Variants in ST8SIA1 observed in about 807,000 individuals in gnomAD.
The protein encoded by ST8SIA1 is ST8 alpha-N-acetyl-neuraminide alpha-2,8-sialyltransferase 1.
In ST8SIA1, 16 loss-of-function variants were observed where a neutral mutation model predicts 35.9. The ratio of observed to expected loss-of-function variants is 0.45; its 90% CI spans 0.30 to 0.68. The LOEUF (loss-of-function observed/expected upper bound fraction) is 0.68, where lower values mean the gene tolerates loss of function less well. ST8SIA1 is among the 30% of genes least tolerant of loss of function. ST8SIA1 has a pLI of 0.09. For synonymous variants in ST8SIA1, 170 were observed against 169.6 expected (o/e 1.00, Z -0.02); for missense variants, 383 against 453.6 (o/e 0.84, Z 1.41).
In ST8SIA1 at chr12:22,223,670, G is replaced by A. The variant is rs78306082; in HGVS notation, c.585-21632C>T. The A allele has an allele frequency of 6.8e-5, 81 of 1,192,508 alleles. No individual in the cohort carries two copies. The East Asian group carries it at 6.0e-3, about 88-fold the overall frequency. The allele number at this position is 1,192,508 out of a possible 1,614,324, so 73.9% of individuals were successfully genotyped here. On this transcript the variant is annotated intron_variant, in intron 4 of 4. Coordinates refer to ENST00000396037, the MANE Select transcript of ST8SIA1 (RefSeq NM_003034.4). ...GATTCTGATTCTGACTGATTCTGCA[G>A]TCTATTGATTGCTGGAGACGTTCTG...
chr12:22,297,748 G>A (rs734555), intron 1 of ST8SIA1, among the ~76,000 whole-genome samples: 8,427 of 152,128 alleles, frequency 0.055, 398 homozygotes, highest in East Asian at 0.24. Context: ...GTGAAATTAT[G>A]AAATATAAAT....
rs1865047196 is a variant in ST8SIA1 at position 22,201,498 on chromosome 12, C to T, written c.*54G>A. On this transcript the variant is annotated 3_prime_UTR_variant, in exon 5 of 5. Transcript: ENST00000396037. ...ACTTGACCATTCCCTCTTGGAGTCA[C>T]ATAGAAAACCTAACAAAAATACCCT... The T allele has an allele frequency of 6.5e-7, 1 of 1,533,340 alleles. No homozygotes were observed. The highest frequency in any genetic ancestry group is 1.3e-5 in the South Asian group (1 of 75,916). 95.0% of individuals were successfully genotyped at this position (1,533,340 alleles called of 1,614,324 possible).
At chr12:22,217,025 C>G (rs1382910168) in intron 4 of ST8SIA1, among the ~76,000 whole-genome samples, 1 of 152,206 alleles carries the variant, frequency 6.6e-6, no homozygotes, top group African/African-American at 2.4e-5. Flanking sequence ...AAATACAAAT[C>G]TCTCATTAGG....
chr12:22,315,357 C>T (rs1866504945), intron 1 of ST8SIA1, among the ~76,000 whole-genome samples: 1 of 152,148 alleles, frequency 6.6e-6, no homozygotes, highest in African/African-American at 2.4e-5. Flanking sequence ...TGGTTTAGAG[C>T]AACCGTTCTT....
intron 2 of ST8SIA1, among the ~76,000 whole-genome samples, chr12:22,257,863 G>T (rs1230011142): frequency 3.9e-5 from 6 of 151,982 alleles, no homozygotes; most frequent in Admixed American, 6.5e-5. Flanking sequence ...GGTGTGCAAA[G>T]GAGTGACATT....
intron 4 of ST8SIA1, among the ~76,000 whole-genome samples, chr12:22,204,727 C>G (rs1041782601): frequency 6.6e-6 from 1 of 152,140 alleles, no homozygotes; most frequent in Non-Finnish European, 1.5e-5. Context: ...TTACTATAGT[C>G]CTAATTTTAT....
At chr12:22,242,851 A>G (rs1262943410) in intron 4 of ST8SIA1, among the ~76,000 whole-genome samples, 1 of 152,180 alleles carries the variant, frequency 6.6e-6, no homozygotes, top group Non-Finnish European at 1.5e-5. Flanking sequence ...TCTTCTGCCC[A>G]TAAAAATTCA....
intron 4 of ST8SIA1, among the ~76,000 whole-genome samples, chr12:22,233,750 G>A (rs978625947): frequency 2.0e-5 from 3 of 152,048 alleles, no homozygotes; most frequent in African/African-American, 7.2e-5. Context: ...TGTCACAAAA[G>A]TTTTCACTGA....
rs1200053928 is a variant in ST8SIA1 at position 22,199,551 on chromosome 12, T to C, written c.*2001A>G. On this transcript the variant is annotated 3_prime_UTR_variant, in exon 5 of 5. Transcript: ENST00000396037. Reference sequence around the variant, plus strand: ...CATTCTCATTATGTTTTTGCTGCCGTATAGCAAACCAGTTCTCCAATAGCA... The same window carrying C: ...CATTCTCATTATGTTTTTGCTGCCGCATAGCAAACCAGTTCTCCAATAGCA... The C allele has an allele frequency of 1.3e-5, 2 of 152,218 alleles. No individual in the cohort carries two copies. Among genetic ancestry groups the C allele is most frequent in the Non-Finnish European group, 2.9e-5 (2 of 68,038 alleles). The allele number at this position is 152,218 out of a possible 1,614,324, so 9.4% of individuals were successfully genotyped here.
intron 2 of ST8SIA1, among the ~76,000 whole-genome samples, chr12:22,279,826 G>A (rs1346994709): frequency 2.0e-5 from 3 of 152,158 alleles, no homozygotes; most frequent in Non-Finnish European, 4.4e-5. Flanking sequence ...TCAAGCTTCA[G>A]GGTCGGTCTC....
intron 2 of ST8SIA1, among the ~76,000 whole-genome samples, chr12:22,261,264 C>A (rs982277592): frequency 2.0e-5 from 3 of 152,152 alleles, no homozygotes; most frequent in Admixed American, 2.0e-4. Flanking sequence ...CCTGCCTCAG[C>A]CTCCCGTGTA....
intron 1 of ST8SIA1, chr12:22,325,007 CA>C (rs1487373456): frequency 6.5e-6 from 1 of 153,538 alleles, no homozygotes; most frequent in Non-Finnish European, 1.4e-5. Flanking sequence ...AAAATACATA[CA>C]ATTTAGTAAT....
Position 22,194,255 on chromosome 12 carries a change from C to G in ST8SIA1, c.*7297G>C, listed in dbSNP as rs1469136683. On this transcript the variant is annotated 3_prime_UTR_variant, in exon 5 of 5. Coordinates refer to ENST00000396037, the MANE Select transcript of ST8SIA1 (RefSeq NM_003034.4). The stretch of plus-strand genomic sequence containing the variant: ...AATGATAAACAGTGACAGATTGATT[C>G]CTTGCTTCCGGTGTTTACTGGAGAA... 1 of 152,126 alleles carries G rather than the reference C, an allele frequency of 6.6e-6. No individual in the cohort carries two copies. Among genetic ancestry groups the G allele is most frequent in the Non-Finnish European group, 1.5e-5 (1 of 68,032 alleles). 9.4% of individuals were successfully genotyped at this position (152,126 alleles called of 1,614,324 possible).
chr12:22,215,886 A>G (rs1352506851), intron 4 of ST8SIA1, among the ~76,000 whole-genome samples: 1 of 152,214 alleles, frequency 6.6e-6, no homozygotes, highest in Admixed American at 6.5e-5. Flanking sequence ...GCCAGCAACA[A>G]CAGAATCCTT....
At chr12:22,215,669 T>C (rs967382682) in intron 4 of ST8SIA1, among the ~76,000 whole-genome samples, 1 of 152,218 alleles carries the variant, frequency 6.6e-6, no homozygotes, top group Non-Finnish European at 1.5e-5. Context: ...ATTCCTTGCA[T>C]GAAAAGATTG....
At chr12:22,333,185 C>A (rs1167961513) in intron 1 of ST8SIA1, among the ~76,000 whole-genome samples, 1 of 152,192 alleles carries the variant, frequency 6.6e-6, no homozygotes, top group Non-Finnish European at 1.5e-5. Context: ...TGATTTCCAA[C>A]CTGGCTTGGG....
At chr12:22,325,588 A>C in intron 1 of ST8SIA1, 1 of 663,056 alleles carries the variant, frequency 1.5e-6, no homozygotes. Context: ...TAAGGAATGA[A>C]ACTAGGAATC....
At chr12:22,292,999 C>T (rs927447461) in intron 1 of ST8SIA1, among the ~76,000 whole-genome samples, 6 of 152,186 alleles carry the variant, frequency 3.9e-5, no homozygotes, top group Non-Finnish European at 7.3e-5. Context: ...CATTTTGCTT[C>T]CACAATCAAA....
chr12:22,246,100 G>T (rs1865598701), intron 4 of ST8SIA1, among the ~76,000 whole-genome samples: 1 of 152,172 alleles, frequency 6.6e-6, no homozygotes, highest in Non-Finnish European at 1.5e-5. Flanking sequence ...AAAGAGAGTT[G>T]GGGGAACCCC....
Sources: allele counts gnomAD v4.1 joint callset (sites outside exome capture counted in the v4.1 genomes callset), GRCh38; gene constraint gnomAD v4.1.1; transcripts MANE v1.5; gene names NCBI Gene and HGNC (gene_info 2026-07-23, HGNC 2026-07-21).